Variants in CNTN5 observed in about 807,000 individuals in gnomAD.
The protein encoded by CNTN5 is contactin 5, also known as contactin-5.
A neutral mutation model predicts 129.1 loss-of-function variants in CNTN5; 77 were observed. That is an observed-to-expected ratio of 0.60 (90% confidence interval 0.50 to 0.72). The LOEUF (loss-of-function observed/expected upper bound fraction) is 0.72, where lower values mean the gene tolerates loss of function less well. Among genes scored for constraint, CNTN5 ranks in the 30% least tolerant of loss-of-function variants. The probability of loss-of-function intolerance (pLI) is 0.00; values close to 1 mark genes in which losing one functional copy is unlikely to be tolerated. For synonymous variants in CNTN5, 509 were observed against 465.6 expected (o/e 1.09, Z -1.20); for missense variants, 1,478 against 1,328.8 (o/e 1.11, Z -1.75).
At chr11:100,173,278 G>A (rs568711054) in intron 13 of CNTN5, among the ~76,000 whole-genome samples, 23 of 152,192 alleles carry the variant, frequency 1.5e-4, no homozygotes, top group South Asian at 6.2e-4. Flanking sequence ...ACACTTTAGC[G>A]TAGTGGGGGT....
rs911606451 is a variant in CNTN5 at position 99,710,890 on chromosome 11, TAACTA to T, written c.56-108651_56-108647del. On this transcript the variant is annotated intron_variant, in intron 3 of 24. Coordinates refer to ENST00000524871, the MANE Select transcript of CNTN5 (RefSeq NM_014361.4). ...TAGTTACTAAAACATATTTAGAACA[TAACTA>T]AAAGATAAGCAGGAATTTGGAGTTG... 4.4e-4 allele frequency among the ~76,000 whole-genome samples: 67 copies of T among 152,000 alleles called. 1 individual carries two copies. The highest frequency in any genetic ancestry group is 1.5e-3 in the African/African-American group (61 of 41,542).
intron 3 of CNTN5, among the ~76,000 whole-genome samples, chr11:99,815,065 C>T (rs193187833): frequency 7.2e-5 from 11 of 152,180 alleles, no homozygotes; most frequent in Admixed American, 6.5e-4. Flanking sequence ...CATTTACCTC[C>T]GTTTGGTTTC....
At chr11:99,801,180 T>G (rs769428281) in intron 3 of CNTN5, among the ~76,000 whole-genome samples, 21 of 152,324 alleles carry the variant, frequency 1.4e-4, no homozygotes, top group Non-Finnish European at 2.5e-4. Context: ...TTATTATGTT[T>G]CATGTATGAA....
At chr11:99,241,318 G>GTTTGT (rs1861542801) in intron 1 of CNTN5, among the ~76,000 whole-genome samples, 2 of 88,050 alleles carry the variant, frequency 2.3e-5, no homozygotes, top group African/African-American at 8.7e-5. Context: ...TTGATTGTTG[G>GTTTGT]TTTTTTTTTT....
At chr11:99,704,045 GTA>G (rs544997418) in intron 3 of CNTN5, among the ~76,000 whole-genome samples, 60 of 147,280 alleles carry the variant, frequency 4.1e-4, no homozygotes, top group South Asian at 8.5e-4. Flanking sequence ...TTATATGTGT[GTA>G]TATATATATA....
At chr11:99,033,485 T>G (rs1198876196) in intron 1 of CNTN5, among the ~76,000 whole-genome samples, 1 of 152,206 alleles carries the variant, frequency 6.6e-6, no homozygotes, top group African/African-American at 2.4e-5. Context: ...GTCCTTCACA[T>G]CCGTTGTAAG....
In CNTN5 at chr11:100,024,705, T is replaced by C. The variant is rs143913447; in HGVS notation, c.980+22569T>C. 8.3e-4 allele frequency among the ~76,000 whole-genome samples: 126 copies of C among 152,286 alleles called. 1 individual carries two copies. Among genetic ancestry groups the C allele is most frequent in the African/African-American group, 2.9e-3 (122 of 41,572 alleles). The stretch of plus-strand genomic sequence containing the variant: ...CTTGCAAATGCTTTAGCAAAGAGAC[T>C]AGTGGCATTTTGTCCCTGCCCTAGA... On this transcript the variant is annotated intron_variant, in intron 9 of 24. Transcript: ENST00000524871.
At position 99,565,230 on chromosome 11, in the gene CNTN5, TC is replaced by T. The variant is rs1183730784; in HGVS notation, c.55+8962del. Reference sequence around the variant, plus strand: ...GGACTTTCCACCTTTCCCTTGTTTCTCTCCTCCCAAGGGCACTTTCTGTGGA... The same window carrying T: ...GGACTTTCCACCTTTCCCTTGTTTCTTCCTCCCAAGGGCACTTTCTGTGGA... On this transcript the variant is annotated intron_variant, in intron 3 of 24. Transcript: ENST00000524871. 2.6e-5 allele frequency among the ~76,000 whole-genome samples: 4 copies of T among 152,078 alleles called. No individual in the cohort carries two copies. In the East Asian group the frequency reaches 7.7e-4, roughly 29 times the overall value.
chr11:99,678,367 C>T (rs931977000), intron 3 of CNTN5, among the ~76,000 whole-genome samples: 9 of 151,906 alleles, frequency 5.9e-5, no homozygotes, highest in Admixed American at 2.0e-4. Flanking sequence ...AAATATATGG[C>T]TACACAAAAC....
intron 16 of CNTN5, among the ~76,000 whole-genome samples, chr11:100,230,242 T>C (rs142641464): frequency 2.0e-5 from 3 of 152,312 alleles, no homozygotes; most frequent in African/African-American, 7.2e-5. Context: ...CTATCTCTTA[T>C]TGGAATATTC....
intron 1 of CNTN5, among the ~76,000 whole-genome samples, chr11:99,270,472 T>A (rs1242966474): frequency 6.6e-6 from 1 of 151,838 alleles, no homozygotes; most frequent in Admixed American, 6.6e-5. Context: ...GGGAACAGTA[T>A]TTTTGGTCTA....
intron 13 of CNTN5, among the ~76,000 whole-genome samples, chr11:100,078,691 G>T (rs191709509): frequency 6.6e-6 from 1 of 152,088 alleles, no homozygotes; most frequent in African/African-American, 2.4e-5. Context: ...AAGCTGATTG[G>T]GTTGTGAGAA....
At chr11:99,589,629 G>A (rs1949914896) in intron 3 of CNTN5, among the ~76,000 whole-genome samples, 1 of 152,100 alleles carries the variant, frequency 6.6e-6, no homozygotes, top group African/African-American at 2.4e-5. Flanking sequence ...GTATATTGAT[G>A]TTCATAAATC....
chr11:99,449,510 C>T (rs1944211962), intron 2 of CNTN5, among the ~76,000 whole-genome samples: 2 of 152,166 alleles, frequency 1.3e-5, no homozygotes, highest in Admixed American at 6.5e-5. Context: ...AATTTGTGTG[C>T]CATTACTCAT....
intron 21 of CNTN5, among the ~76,000 whole-genome samples, chr11:100,334,285 T>A (rs1951977590): frequency 2.0e-5 from 3 of 152,122 alleles, no homozygotes; most frequent in Non-Finnish European, 4.4e-5. Context: ...AAATAATAGA[T>A]GTTGGCGTGG....
At chr11:99,966,660 G>A (rs1951101853) in intron 8 of CNTN5, among the ~76,000 whole-genome samples, 1 of 152,168 alleles carries the variant, frequency 6.6e-6, no homozygotes, top group Non-Finnish European at 1.5e-5. Flanking sequence ...TAAAACATCT[G>A]GTCAAGATAT....
chr11:99,991,777 TACTC>T (rs71944454), intron 8 of CNTN5, among the ~76,000 whole-genome samples: 10,655 of 151,926 alleles, frequency 0.07, 764 homozygotes, highest in East Asian at 0.31. Flanking sequence ...TCCACTCAAA[TACTC>T]AAGCAAGTAT....
At chr11:99,881,655 G>GA (rs1274444760) in intron 6 of CNTN5, among the ~76,000 whole-genome samples, 1 of 148,388 alleles carries the variant, frequency 6.7e-6, no homozygotes, top group Non-Finnish European at 1.5e-5. Context: ...ATAAAATAAA[G>GA]GGGGGGAGCT....
intron 2 of CNTN5, among the ~76,000 whole-genome samples, chr11:99,538,065 C>T (rs1947965952): frequency 6.6e-6 from 1 of 152,148 alleles, no homozygotes; most frequent in Non-Finnish European, 1.5e-5. Flanking sequence ...TTGGTAAATT[C>T]TCACACCAGT....
Sources: gnomAD v4.1 joint callset for allele counts (sites outside exome capture counted in the v4.1 genomes callset) on GRCh38, gnomAD v4.1.1 for gene constraint, MANE v1.5 for transcripts, NCBI Gene and HGNC (gene_info 2026-07-23, HGNC 2026-07-21) for gene names.